FAM184B: variants seen among roughly 807,000 people sequenced by gnomAD.
The protein encoded by FAM184B is family with sequence similarity 184 member B, also known as protein FAM184B.
FAM184B carries 111 observed loss-of-function variants against 135.9 expected under a neutral mutation model. That is an observed-to-expected ratio of 0.82 (90% CI 0.70 to 0.96). The LOEUF is 0.96. Ranked by LOEUF, FAM184B falls within the 40% of genes least tolerant of loss-of-function variation. The pLI is 0.00. For synonymous variants in FAM184B, 552 were observed against 524.8 expected, an observed-to-expected ratio of 1.05 and a Z score of -0.71; for missense variants, 1,375 against 1,323.9, an observed-to-expected ratio of 1.04 and a Z score of -0.60.
Position 17,731,925 on chromosome 4 carries a change from A to G in FAM184B, c.142-22281T>C, listed in dbSNP as rs1042407650. Among the ~76,000 whole-genome samples, 87 of 152,120 alleles carry G rather than the reference A, an allele frequency of 5.7e-4. 1 individual carries two copies. The highest frequency in any genetic ancestry group is 1.9e-3 in the African/African-American group (78 of 41,434). On this transcript the variant is annotated intron_variant, in intron 1 of 17. Coordinates refer to ENST00000265018, the MANE Select transcript of FAM184B (RefSeq NM_015688.2). ...CCACACCTATTCCAAAACTGACCAC[A>G]TAGTTGGAAGTAAAGCACTCCTCAG...
chr4:17,634,680 G>A (rs1450349890), intron 16 of FAM184B, among the ~76,000 whole-genome samples: 1 of 152,164 alleles, frequency 6.6e-6, no homozygotes, highest in Non-Finnish European at 1.5e-5. Context: ...AATTGAATGT[G>A]AATATGCTCA....
At chr4:17,637,777 C>G (rs1715190251) in intron 14 of FAM184B, among the ~76,000 whole-genome samples, 1 of 152,204 alleles carries the variant, frequency 6.6e-6, no homozygotes, top group African/African-American at 2.4e-5. Flanking sequence ...TTGGACCTGG[C>G]TTGCTGCCAT....
intron 1 of FAM184B, among the ~76,000 whole-genome samples, chr4:17,746,995 G>A (rs1480345602): frequency 6.9e-6 from 1 of 144,396 alleles, no homozygotes; most frequent in African/African-American, 2.6e-5. Context: ...CTGAGATCAC[G>A]CCACTGCACT....
intron 1 of FAM184B, among the ~76,000 whole-genome samples, chr4:17,742,155 TATATATA>T (rs1451327280): frequency 2.3e-4 from 22 of 94,918 alleles, no homozygotes; most frequent in Admixed American, 4.7e-4. Flanking sequence ...TATATATATA[TATATATA>T]TATATATTTT....
chr4:17,664,676 AAAAG>A lies in FAM184B; in HGVS notation c.1597-21_1597-18del. ...GCATGGATCCTAAGGCCAAAAAAGAAAAAGAAAAAAAAAAAAAAGGCAAGATGAG... is the reference window on the plus strand; with the variant it reads ...GCATGGATCCTAAGGCCAAAAAAGAAAAAAAAAAAAAAAAGGCAAGATGAG... On this transcript the variant is annotated intron_variant, in intron 7 of 17. Coordinates refer to ENST00000265018, the MANE Select transcript of FAM184B (RefSeq NM_015688.2). 6.0e-6 allele frequency: 9 copies of A among 1,505,946 alleles called. No homozygotes were observed. The highest frequency in any genetic ancestry group is 4.5e-5 in the Admixed American group (2 of 44,704). 93.3% of individuals were successfully genotyped at this position (1,505,946 alleles called of 1,614,324 possible).
rs563815858 is a variant in FAM184B at position 17,641,186 on chromosome 4, A to G, written c.2519+870T>C. Among the ~76,000 whole-genome samples, 61 of 152,158 alleles carry G rather than the reference A, an allele frequency of 4.0e-4. No homozygotes were observed. In the East Asian group the frequency reaches 8.5e-3, roughly 21 times the overall value. ...TGACCTCAAGTGATGTGCCTGCCTC[A>G]GCCTCCCAAAGTACTGGTATTACAG... On this transcript the variant is annotated intron_variant, in intron 13 of 17. Transcript: ENST00000265018.
chr4:17,653,892 A>T (rs1046713858), intron 10 of FAM184B, among the ~76,000 whole-genome samples: 1 of 26,020 alleles, frequency 3.8e-5, no homozygotes, highest in African/African-American at 2.1e-4. Context: ...GTGAGAAAAG[A>T]GTTGATGGTG....
At chr4:17,740,661 C>T (rs1290141416) in intron 1 of FAM184B, among the ~76,000 whole-genome samples, 2 of 152,154 alleles carry the variant, frequency 1.3e-5, no homozygotes, top group Admixed American at 1.3e-4. Flanking sequence ...GGAAGAGTGG[C>T]AGTTGCCCAG....
intron 7 of FAM184B, among the ~76,000 whole-genome samples, chr4:17,664,911 C>T (rs1716010653): frequency 6.6e-6 from 1 of 152,182 alleles, no homozygotes; most frequent in Admixed American, 6.5e-5. Context: ...TGAAGCATTT[C>T]ACACTGCTGA....
At chr4:17,691,485 C>T (rs1441746516) in intron 6 of FAM184B, among the ~76,000 whole-genome samples, 2 of 151,724 alleles carry the variant, frequency 1.3e-5, no homozygotes, top group African/African-American at 4.8e-5. Flanking sequence ...CAGGAGTTCG[C>T]GACCAGCCTG....
intron 1 of FAM184B, among the ~76,000 whole-genome samples, chr4:17,718,757 G>A (rs964795457): frequency 6.6e-6 from 1 of 152,228 alleles, no homozygotes; most frequent in Non-Finnish European, 1.5e-5. Context: ...AGAGCAGGCT[G>A]GACCCCACCC....
chr4:17,646,702 A>C (rs1036584389), intron 12 of FAM184B, among the ~76,000 whole-genome samples: 3 of 152,228 alleles, frequency 2.0e-5, no homozygotes, highest in African/African-American at 4.8e-5. Flanking sequence ...CACATTGTGC[A>C]CATGTACCCT....
intron 1 of FAM184B, among the ~76,000 whole-genome samples, chr4:17,755,876 T>C (rs1029978651): frequency 2.6e-5 from 4 of 151,904 alleles, no homozygotes; most frequent in African/African-American, 9.7e-5. Context: ...CATGGACACA[T>C]GGGGTAAACA....
At position 17,705,835 on chromosome 4, in the gene FAM184B, A is replaced by G. The variant is rs925035435; in HGVS notation, c.1087T>C (p.Leu363=). The change falls in exon 4 of 18, where the codon TTG becomes CTG. Residue 363 remains leucine, a synonymous_variant. Transcript: ENST00000265018. ...TGAGGATGAAGATTGCCGGCTTCCAAGTCATTCTCTTCCCGCAGGACTTTG... is the reference window on the plus strand; with the variant it reads ...TGAGGATGAAGATTGCCGGCTTCCAGGTCATTCTCTTCCCGCAGGACTTTG... ...ENKVLREEND[L]EAGNLHPQQD... 3.2e-6 allele frequency: 5 copies of G among 1,552,042 alleles called. No individual in the cohort carries two copies. The highest frequency in any genetic ancestry group is 4.4e-6 in the Non-Finnish European group (5 of 1,147,102).
At chr4:17,697,771 A>G (rs1716898186) in intron 5 of FAM184B, among the ~76,000 whole-genome samples, 1 of 152,232 alleles carries the variant, frequency 6.6e-6, no homozygotes, top group Admixed American at 6.5e-5. Context: ...AGGAATGGCT[A>G]TTTCTAATTT....
At chr4:17,635,400 T>G (rs1262530802) in intron 15 of FAM184B, among the ~76,000 whole-genome samples, 1 of 151,970 alleles carries the variant, frequency 6.6e-6, no homozygotes, top group Non-Finnish European at 1.5e-5. Context: ...AGTTAGTAAT[T>G]AAGGCAAAGA....
At chr4:17,651,270 GC>G (rs1715608023) in intron 11 of FAM184B, among the ~76,000 whole-genome samples, 2 of 152,110 alleles carry the variant, frequency 1.3e-5, no homozygotes, top group African/African-American at 4.8e-5. Flanking sequence ...GGGCGCAGTG[GC>G]TCACGCCTGT....
intron 1 of FAM184B, among the ~76,000 whole-genome samples, chr4:17,764,005 C>T (rs1184612872): frequency 6.6e-6 from 1 of 152,160 alleles, no homozygotes; most frequent in Non-Finnish European, 1.5e-5. Context: ...CACCCGCCCC[C>T]AACACCTACC....
intron 5 of FAM184B, among the ~76,000 whole-genome samples, chr4:17,702,164 T>A (rs1364225328): frequency 1.3e-5 from 2 of 152,170 alleles, no homozygotes; most frequent in African/African-American, 2.4e-5. Flanking sequence ...CCAAGCCCAG[T>A]TCCTTGGTCT....
Sources: gnomAD v4.1 joint callset for allele counts (sites outside exome capture counted in the v4.1 genomes callset) on GRCh38, gnomAD v4.1.1 for gene constraint, MANE v1.5 for transcripts, NCBI Gene and HGNC (gene_info 2026-07-23, HGNC 2026-07-21) for gene names.